Variants in MYBPHL observed in about 807,000 individuals in gnomAD.
MYBPHL encodes the protein myosin binding protein H like.
A neutral mutation model predicts 39.5 loss-of-function variants in MYBPHL; 32 were observed. That is an observed-to-expected ratio of 0.81 (90% CI 0.61 to 1.09). The LOEUF (loss-of-function observed/expected upper bound fraction) is 1.09, where lower values mean the gene tolerates loss of function less well. Among genes scored for constraint, MYBPHL ranks in the 50% least tolerant of loss-of-function variants. MYBPHL has a pLI of 0.00. For synonymous variants in MYBPHL, 196 were observed against 183.7 expected, an observed-to-expected ratio of 1.07 and a Z score of -0.54; for missense variants, 456 against 460.2, an observed-to-expected ratio of 0.99 and a Z score of 0.08.
intron 1 of MYBPHL, among the ~76,000 whole-genome samples, chr1:109,303,786 G>A (rs532603732): frequency 3.3e-5 from 5 of 152,110 alleles, no homozygotes; most frequent in Non-Finnish European, 5.9e-5. Flanking sequence ...TGGCTGTCTC[G>A]TAGACAAACC....
chr1:109,299,384 C>T (rs1470574339), intron 1 of MYBPHL, among the ~76,000 whole-genome samples: 1 of 152,264 alleles, frequency 6.6e-6, no homozygotes, highest in Non-Finnish European at 1.5e-5. Flanking sequence ...TGTGAAAATA[C>T]TTCCCTGAGC....
chr1:109,302,624 G>T (rs1477973425), intron 1 of MYBPHL, among the ~76,000 whole-genome samples: 1 of 152,042 alleles, frequency 6.6e-6, no homozygotes. Context: ...CATGTTTCCA[G>T]TCCCCGTAGG....
At chr1:109,302,126 T>C (rs1188991266) in intron 1 of MYBPHL, among the ~76,000 whole-genome samples, 3 of 151,910 alleles carry the variant, frequency 2.0e-5, no homozygotes, top group Non-Finnish European at 1.5e-5. Flanking sequence ...TTTACGTGTG[T>C]CTGTGAATGG....
At chr1:109,302,410 A>G (rs1401561957) in intron 1 of MYBPHL, among the ~76,000 whole-genome samples, 1 of 152,104 alleles carries the variant, frequency 6.6e-6, no homozygotes, top group East Asian at 1.9e-4. Flanking sequence ...CACTTTCTTG[A>G]AGGCCATGAA....
In MYBPHL at chr1:109,297,094, C is replaced by T. The variant is rs749662824; in HGVS notation, c.526G>A (p.Ala176Thr). 9 of 1,614,182 alleles carry T rather than the reference C, an allele frequency of 5.6e-6. No homozygotes were observed. The Admixed American group carries it at 1.5e-4, about 27-fold the overall frequency. The change falls in exon 4 of 9, where the codon GCA (alanine) becomes ACA (threonine). Residue 176 changes from alanine to threonine, a missense_variant. Coordinates refer to ENST00000357155, the MANE Select transcript of MYBPHL (RefSeq NM_001010985.3). ...WTPPQDTGNT[A>T]LLGYTVQKAD... ...TTCTGCACCGTGTATCCCAGAAGTGCTGTATTCCCCGTATCTTGGGGCGGT... is the reference window on the plus strand; with the variant it reads ...TTCTGCACCGTGTATCCCAGAAGTGTTGTATTCCCCGTATCTTGGGGCGGT...
At chr1:109,297,650 C>G in intron 2 of MYBPHL, 33 bp from the exon 3 acceptor site, 2 of 1,582,082 alleles carry the variant, frequency 1.3e-6, no homozygotes, top group Non-Finnish European at 1.7e-6. Flanking sequence ...TGAGCAGCCC[C>G]GAGAGGCTTC....
intron 1 of MYBPHL, among the ~76,000 whole-genome samples, chr1:109,306,335 G>T (rs1030996389): frequency 2.0e-5 from 3 of 152,158 alleles, no homozygotes; most frequent in African/African-American, 7.2e-5. Flanking sequence ...GAGGGGTCAG[G>T]ATCTCCTATG....
rs1471905774 is a variant in MYBPHL at position 109,297,405 on chromosome 1, C to T, written c.430+17G>A. 3 of 1,604,164 alleles carry T rather than the reference C, an allele frequency of 1.9e-6. No homozygotes were observed. Among genetic ancestry groups the T allele is most frequent in the African/African-American group, 2.7e-5 (2 of 74,860 alleles). ...AGTTCCTGAGGACCCCCCCATCTCC[C>T]ACTTCCCCCACCGTACCAATCACCA... On this transcript the variant is annotated intron_variant, in intron 3 of 8. Coordinates refer to ENST00000357155, the MANE Select transcript of MYBPHL (RefSeq NM_001010985.3).
chr1:109,297,423 A>G lies in MYBPHL; in HGVS notation c.429T>C (p.Ile143=). ...CATCTCCCACTTCCCCCACCGTACC[A>G]ATCACCAGGATGTCAATGGTGGCGG... ...EATATIDILV[I]ERPGPPQSIK... Residue 143 remains isoleucine (I), a splice_region_variant and synonymous_variant, in exon 3 of 9, where the codon ATT becomes ATC. Transcript: ENST00000357155. 1 of 1,611,482 alleles carries G rather than the reference A, an allele frequency of 6.2e-7. No individual in the cohort carries two copies. The highest frequency in any genetic ancestry group is 8.5e-7 in the Non-Finnish European group (1 of 1,179,234).
intron 2 of MYBPHL, 66 bp from the exon 3 acceptor site, chr1:109,297,683 G>C: frequency 6.9e-7 from 1 of 1,455,666 alleles, no homozygotes; most frequent in Non-Finnish European, 9.4e-7. Context: ...GCTGCTGTAG[G>C]GGTCCTGTCC....
rs749529822 is a variant in MYBPHL, at chr1:109,297,416, C to T, written c.430+6G>A. ...ACCCCCCCATCTCCCACTTCCCCCA[C>T]CGTACCAATCACCAGGATGTCAATG... On this transcript the variant is annotated splice_donor_region_variant and intron_variant, in intron 3 of 8. Transcript: ENST00000357155. 2.5e-6 allele frequency: 4 copies of T among 1,610,182 alleles called. No individual in the cohort carries two copies. Among genetic ancestry groups the T allele is most frequent in the East Asian group, 4.5e-5 (2 of 44,852 alleles).
In MYBPHL at chr1:109,306,897, G is replaced by A. The variant is rs773432260; in HGVS notation, c.95C>T (p.Pro32Leu). The change falls in exon 1 of 9, where the codon CCT (proline) becomes CTT (leucine). Residue 32 changes from proline (P) to leucine (L), a missense_variant. Physicochemically the swap from Pro to Leu is moderately conservative, Grantham distance 98 (BLOSUM62 -3). Transcript: ENST00000357155. ...PADAEPPQAS[P>L]GQGAGSPTPQ... ...AGTGGGGCTGCCAGCCCCCTGTCCAGGTGAAGCCTGGGGTGGTTCAGCATC... is the reference window on the plus strand; with the variant it reads ...AGTGGGGCTGCCAGCCCCCTGTCCAAGTGAAGCCTGGGGTGGTTCAGCATC... The A allele has an allele frequency of 6.2e-7, 1 of 1,605,138 alleles. No individual in the cohort carries two copies. Among genetic ancestry groups the A allele is most frequent in the Non-Finnish European group, 8.5e-7 (1 of 1,176,034 alleles).
chr1:109,300,197 C>T (rs1433614233), intron 1 of MYBPHL, among the ~76,000 whole-genome samples: 8 of 152,182 alleles, frequency 5.3e-5, no homozygotes, highest in South Asian at 2.1e-4. Context: ...AGAAAGAAGC[C>T]GGTATTCTGG....
chr1:109,303,121 ATG>A (rs1658350158), intron 1 of MYBPHL, among the ~76,000 whole-genome samples: 1 of 152,210 alleles, frequency 6.6e-6, no homozygotes, highest in Non-Finnish European at 1.5e-5. Context: ...AAATAGATGT[ATG>A]TCATTCCTGA....
rs1417033309 is a variant in MYBPHL at position 109,296,309 on chromosome 1, G to A, written c.792C>T (p.Thr264=). The A allele has an allele frequency of 6.2e-7, 1 of 1,614,166 alleles. No homozygotes were observed. The highest frequency in any genetic ancestry group is 2.2e-5 in the East Asian group (1 of 44,878). ...CTGTAGTGCAGTCGGCCAGAGGCTG[G>A]GTAAACTTTGGGGCTTCAGAGAAGT... ...QRDFSEAPKF[T]QPLADCTTVT... Residue 264 remains threonine, a synonymous_variant, in exon 6 of 9, where the codon ACC becomes ACT. Coordinates refer to ENST00000357155, the MANE Select transcript of MYBPHL (RefSeq NM_001010985.3).
intron 1 of MYBPHL, among the ~76,000 whole-genome samples, chr1:109,298,712 A>C (rs1260405828): frequency 6.6e-6 from 1 of 151,950 alleles, no homozygotes; most frequent in East Asian, 1.9e-4. Context: ...TGTGGGTCTC[A>C]GGAGAATGCT....
intron 1 of MYBPHL, among the ~76,000 whole-genome samples, chr1:109,299,784 A>G (rs1658220361): frequency 6.6e-6 from 1 of 152,182 alleles, no homozygotes; most frequent in South Asian, 2.1e-4. Context: ...GCCTCAGCAT[A>G]GATGCAGCAG....
Position 109,296,934 on chromosome 1 carries a change from G to A in MYBPHL, c.579C>T (p.Phe193=). 5.0e-6 allele frequency: 8 copies of A among 1,614,142 alleles called. No individual in the cohort carries two copies. Among genetic ancestry groups the A allele is most frequent in the Non-Finnish European group, 6.8e-6 (8 of 1,180,026 alleles). ...TGCGGTGATAGTGCTCCAGCACCGT[G>A]AACCACAGCTGCGGGGCCGAACATG... ...QKADTKSGLW[F]TVLEHYHRTS... is the part of the protein sequence containing the mutation. The change falls in exon 5 of 9, where the codon TTC becomes TTT. Residue 193 remains phenylalanine, a synonymous_variant. Transcript: ENST00000357155.
chr1:109,301,720 A>G (rs987883240), intron 1 of MYBPHL, among the ~76,000 whole-genome samples: 3 of 150,600 alleles, frequency 2.0e-5, no homozygotes, highest in Non-Finnish European at 4.4e-5. Flanking sequence ...CAGCCTGGGC[A>G]ATAAGAACAA....
Sources: allele counts gnomAD v4.1 joint callset (sites outside exome capture counted in the v4.1 genomes callset), GRCh38; gene constraint gnomAD v4.1.1; transcripts MANE v1.5; gene names NCBI Gene and HGNC (gene_info 2026-07-23, HGNC 2026-07-21).